The following RGS14 variants were observed in gnomAD, a reference collection of about 807,000 sequenced individuals.
RGS14 encodes the protein regulator of G protein signaling 14.
Under a neutral mutation model 63.8 loss-of-function variants are expected in RGS14, and 33 were observed. The ratio of observed to expected loss-of-function variants is 0.52; its 90% CI spans 0.39 to 0.69. The LOEUF is 0.69. Ranked by LOEUF, RGS14 falls within the 30% of genes least tolerant of loss-of-function variation. The probability of loss-of-function intolerance (pLI) is 0.00; values close to 1 mark genes in which losing one functional copy is unlikely to be tolerated. For synonymous variants in RGS14, 296 were observed against 320.9 expected, an observed-to-expected ratio of 0.92 and a Z score of 0.83; for missense variants, 739 against 742.9, an observed-to-expected ratio of 0.99 and a Z score of 0.06.
chr5:177,360,639 C>G (rs1761943605), intron 1 of RGS14, among the ~76,000 whole-genome samples: 1 of 148,756 alleles, frequency 6.7e-6, no homozygotes, highest in African/African-American at 2.5e-5. Context: ...AGGAGGCAGG[C>G]ACAGTTGCTC....
At position 177,372,499 on chromosome 5, in the gene RGS14, A is replaced by G. The variant is rs984164849; in HGVS notation, c.*424A>G. On this transcript the variant is annotated 3_prime_UTR_variant, in exon 15 of 15. Coordinates refer to ENST00000408923, the MANE Select transcript of RGS14 (RefSeq NM_006480.5). ...AGGCAGCCCTGTACCCCACCCACAT[A>G]GACTATACTGTACATACAGATTTTG... The G allele has an allele frequency of 2.2e-5, 4 of 182,586 alleles. No homozygotes were observed. The highest frequency in any genetic ancestry group is 5.7e-5 in the Admixed American group (1 of 17,456). 11.3% of individuals were successfully genotyped at this position (182,586 alleles called of 1,614,324 possible).
chr5:177,367,258 C>T, intron 5 of RGS14, 156 bp from the exon 6 acceptor site: 1 of 1,187,826 alleles, frequency 8.4e-7, no homozygotes, highest in Non-Finnish European at 1.2e-6. Flanking sequence ...CGGGCTTGGA[C>T]CCCGGGGGTG....
intron 1 of RGS14, among the ~76,000 whole-genome samples, chr5:177,361,627 G>C (rs1302536713): frequency 1.3e-5 from 2 of 152,096 alleles, no homozygotes; most frequent in Non-Finnish European, 2.9e-5. Context: ...GTAAAATGGG[G>C]GTAATAATAC....
rs760231858 is a variant in RGS14 at position 177,367,048 on chromosome 5, G to A, written c.483+14G>A. The A allele has an allele frequency of 8.1e-6, 13 of 1,598,032 alleles. No individual in the cohort carries two copies. In the Admixed American group the frequency reaches 1.7e-4, roughly 21 times the overall value. ...CAGCAGCTTCAGGTGGGCGATCCTG[G>A]GGGGATTGGCCTTGAAAGGGAGACA... is the stretch of plus-strand genomic sequence containing the variant. On this transcript the variant is annotated intron_variant, in intron 5 of 14. Transcript: ENST00000408923.
intron 1 of RGS14, among the ~76,000 whole-genome samples, chr5:177,361,920 G>A (rs1219078166): frequency 5.3e-5 from 8 of 152,164 alleles, no homozygotes; most frequent in Non-Finnish European, 1.0e-4. Flanking sequence ...TGAAGCAGGG[G>A]AGGCCAGCCC....
chr5:177,370,726 A>G (rs1410348932), intron 10 of RGS14, 62 bp downstream of exon 10: 3 of 1,582,888 alleles, frequency 1.9e-6, no homozygotes, highest in Non-Finnish European at 2.6e-6. Flanking sequence ...GCCCTGTTCT[A>G]GCTACCTGGC....
chr5:177,367,382 C>T lies in RGS14; in HGVS notation c.484-32C>T, dbSNP rs775940599. 7 of 1,566,706 alleles carry T rather than the reference C, an allele frequency of 4.5e-6. No individual in the cohort carries two copies. In the South Asian group the frequency reaches 4.6e-5, roughly 10 times the overall value. ...GGCAGCCCAGCGCCCCCACCCCAGC[C>T]CCGGCTCACCTGTTCCGGGGTCGCC... is the stretch of plus-strand genomic sequence containing the variant. On this transcript the variant is annotated intron_variant, in intron 5 of 14. Coordinates refer to ENST00000408923, the MANE Select transcript of RGS14 (RefSeq NM_006480.5).
Position 177,371,746 on chromosome 5 carries a change from C to A in RGS14, c.1499-127C>A. The A allele has an allele frequency of 8.3e-7, 1 of 1,201,880 alleles. No individual in the cohort carries two copies. The highest frequency in any genetic ancestry group is 1.2e-6 in the Non-Finnish European group (1 of 855,126). The allele number at this position is 1,201,880 out of a possible 1,614,324, so 74.5% of individuals were successfully genotyped here. On this transcript the variant is annotated intron_variant, in intron 14 of 14. Transcript: ENST00000408923. The surrounding 1 kb of genome is among the most constrained non-coding windows in gnomAD (Gnocchi z 6.1). ...GGTTGGGGGGTCAAAGGGGCTGGAACAGGGGGCCGCAGGCCATTGGTGCTG... is the reference window on the plus strand; with the variant it reads ...GGTTGGGGGGTCAAAGGGGCTGGAAAAGGGGGCCGCAGGCCATTGGTGCTG...
chr5:177,367,169 C>A, intron 5 of RGS14, 135 bp downstream of exon 5: 1 of 1,266,218 alleles, frequency 7.9e-7, no homozygotes, highest in Non-Finnish European at 1.1e-6. Flanking sequence ...AATGCCGGGG[C>A]AGGCAGGGCG....
intron 1 of RGS14, among the ~76,000 whole-genome samples, chr5:177,365,387 G>A (rs969534580): frequency 3.3e-5 from 5 of 150,072 alleles, no homozygotes; most frequent in African/African-American, 1.2e-4. Context: ...ATTTTTAGTA[G>A]AGACTGGGTT....
At chr5:177,363,013 G>A (rs750173673) in intron 1 of RGS14, among the ~76,000 whole-genome samples, 2 of 152,174 alleles carry the variant, frequency 1.3e-5, no homozygotes, top group African/African-American at 2.4e-5. Context: ...CCAGCGGAGG[G>A]GGGCGAGTCC....
Position 177,367,015 on chromosome 5 carries a change from T to TTC in RGS14, c.465_466dup (p.Arg156LeufsTer11). ...CTGGCCGAGCCCCGGCCGGACATGTTTCGGGCACAGCAGCTTCAGGTGGGC... is the reference window on the plus strand; with the variant it reads ...CTGGCCGAGCCCCGGCCGGACATGTTTCTCGGGCACAGCAGCTTCAGGTGGGC... On this transcript the variant is annotated frameshift_variant, in exon 5 of 15. Transcript: ENST00000408923. LOFTEE classifies it high-confidence loss of function. The TTC allele has an allele frequency of 6.2e-7, 1 of 1,611,448 alleles. No homozygotes were observed. Among genetic ancestry groups the TTC allele is most frequent in the Non-Finnish European group, 8.5e-7 (1 of 1,179,314 alleles).
rs1455509670 is a variant in RGS14 at position 177,359,798 on chromosome 5, C to A, written c.45+1729C>A. On this transcript the variant is annotated intron_variant, in intron 1 of 14. Coordinates refer to ENST00000408923, the MANE Select transcript of RGS14 (RefSeq NM_006480.5). The surrounding 1 kb of genome is among the most constrained non-coding windows in gnomAD (Gnocchi z 4.4). The stretch of plus-strand genomic sequence containing the variant: ...TAGGGCAGGGAGGGCCAGACAGGCA[C>A]TGGGATCTGAGGTGCGGATGTGGAT... Among the ~76,000 whole-genome samples, 1 of 152,244 alleles carries A rather than the reference C, an allele frequency of 6.6e-6. No individual in the cohort carries two copies. The highest frequency in any genetic ancestry group is 2.4e-5 in the African/African-American group (1 of 41,476).
At chr5:177,370,064 G>A (rs1157323978) in intron 9 of RGS14, among the ~76,000 whole-genome samples, 1 of 152,244 alleles carries the variant, frequency 6.6e-6, no homozygotes, top group Non-Finnish European at 1.5e-5. Flanking sequence ...AGTTTTGAGG[G>A]TGGGCCCTTT....
At chr5:177,367,639 T>C in intron 6 of RGS14, 75 bp from the exon 7 acceptor site, 2 of 1,583,966 alleles carry the variant, frequency 1.3e-6, no homozygotes, top group Admixed American at 3.7e-5. Context: ...CGGGTGCAGA[T>C]CTGCGAGTCT....
intron 1 of RGS14, among the ~76,000 whole-genome samples, chr5:177,360,641 C>T (rs1194203902): frequency 6.7e-6 from 1 of 148,316 alleles, no homozygotes; most frequent in East Asian, 2.0e-4. Context: ...GAGGCAGGCA[C>T]AGTTGCTCAC....
In RGS14 at chr5:177,370,033, C is replaced by T. The variant is rs1251800954; in HGVS notation, c.1054-558C>T. Among the ~76,000 whole-genome samples the T allele has an allele frequency of 5.9e-5, 9 of 152,356 alleles. No homozygotes were observed. In the South Asian group the frequency reaches 1.7e-3, roughly 28 times the overall value. ...GTGCCAGGCATTGTGCCAGATGCTT[C>T]ACATCCTCTGGTTTCACAGCAGTTT... On this transcript the variant is annotated intron_variant, in intron 9 of 14. Transcript: ENST00000408923.
chr5:177,372,100 C>T lies in RGS14; in HGVS notation c.*25C>T, dbSNP rs1396474568. The T allele has an allele frequency of 6.2e-7, 1 of 1,600,708 alleles. No homozygotes were observed. Among genetic ancestry groups the T allele is most frequent in the Non-Finnish European group, 8.5e-7 (1 of 1,170,002 alleles). ...ACAGCTACCCAACAGTCCAGGACAG[C>T]TGCATGGCACCCGGCGGGCCGAGCA... On this transcript the variant is annotated 3_prime_UTR_variant, in exon 15 of 15. Coordinates refer to ENST00000408923, the MANE Select transcript of RGS14 (RefSeq NM_006480.5).
rs1038151760 is a variant in RGS14, at chr5:177,368,891, A to G, written c.1024A>G (p.Ile342Val). Reference sequence around the variant, plus strand: ...GAAACGAGGCCTCTCTCTACCTGACATCAAGGTCTACCTGGTGGGCAATGA... The same window carrying G: ...GAAACGAGGCCTCTCTCTACCTGACGTCAAGGTCTACCTGGTGGGCAATGA... ...CEKRGLSLPD[I>V]KVYLVGNEQA... Residue 342 changes from isoleucine to valine, a missense_variant, in exon 9 of 15, where the codon ATC (isoleucine) becomes GTC (valine). Ile to Val is a conservative substitution (Grantham distance 29). Transcript: ENST00000408923. 9.3e-6 allele frequency: 15 copies of G among 1,613,996 alleles called. No homozygotes were observed. In the African/African-American group the frequency reaches 2.0e-4, roughly 22 times the overall value.
Sources: allele counts gnomAD v4.1 joint callset (sites outside exome capture counted in the v4.1 genomes callset), GRCh38; gene constraint gnomAD v4.1.1; non-coding constraint Gnocchi (gnomAD v3.1); transcripts MANE v1.5; gene names NCBI Gene and HGNC (gene_info 2026-07-23, HGNC 2026-07-21).